The following EPSTI1 variants were observed in gnomAD, a reference collection of about 807,000 sequenced individuals.
EPSTI1 encodes epithelial stromal interaction 1.
EPSTI1 carries 66 observed loss-of-function variants against 49.9 expected under a neutral mutation model. The observed-to-expected ratio is 1.32, with a 90% confidence interval of 1.08 to 1.62. EPSTI1 has a LOEUF of 1.62. EPSTI1 is among the 40% of genes most tolerant of loss of function. The pLI is 0.00. For missense variants in EPSTI1, 394 were observed against 365.5 expected (o/e 1.08, Z -0.64); for synonymous variants, 137 against 130.7 (o/e 1.05, Z -0.33).
intron 10 of EPSTI1, among the ~76,000 whole-genome samples, chr13:42,888,786 C>T (rs923151871): frequency 3.9e-5 from 6 of 152,058 alleles, no homozygotes; most frequent in South Asian, 2.1e-4. Flanking sequence ...ATATACAGTT[C>T]GAAAATGTTG....
intron 6 of EPSTI1, among the ~76,000 whole-genome samples, chr13:42,932,230 G>T (rs1337984129): frequency 3.3e-5 from 5 of 152,114 alleles, no homozygotes; most frequent in Non-Finnish European, 7.3e-5. Flanking sequence ...ACTGTGCTCA[G>T]TCTATTCACG....
intron 8 of EPSTI1, among the ~76,000 whole-genome samples, chr13:42,901,417 C>T (rs2037348607): frequency 6.6e-6 from 1 of 152,166 alleles, no homozygotes; most frequent in Non-Finnish European, 1.5e-5. Context: ...ATACATTGCT[C>T]ATCAATCCCT....
intron 8 of EPSTI1, among the ~76,000 whole-genome samples, chr13:42,917,010 C>T (rs1482115443): frequency 2.0e-5 from 3 of 152,164 alleles, no homozygotes; most frequent in African/African-American, 4.8e-5. Context: ...TCTTAGAAGG[C>T]TCTGCATTCA....
chr13:42,989,567 C>CTTTTTTCTT (rs1555271092), intron 1 of EPSTI1, among the ~76,000 whole-genome samples: 8 of 79,024 alleles, frequency 1.0e-4, no homozygotes, highest in Admixed American at 1.6e-4. Flanking sequence ...CCTCTTTTTT[C>CTTTTTTCTT]TTTTTTTTTT....
At chr13:42,976,390 G>T (rs1260051831) in intron 1 of EPSTI1, among the ~76,000 whole-genome samples, 1 of 152,132 alleles carries the variant, frequency 6.6e-6, no homozygotes, top group Non-Finnish European at 1.5e-5. Flanking sequence ...CTAAGAAATA[G>T]GTTAAAGAGT....
intron 10 of EPSTI1, among the ~76,000 whole-genome samples, chr13:42,893,814 A>G (rs1459750321): frequency 6.6e-6 from 1 of 152,188 alleles, no homozygotes; most frequent in African/African-American, 2.4e-5. Context: ...GTGTTTCACA[A>G]CTAAGTTATA....
chr13:42,990,424 G>A (rs1384834123), intron 1 of EPSTI1, among the ~76,000 whole-genome samples: 1 of 152,146 alleles, frequency 6.6e-6, no homozygotes, highest in African/African-American at 2.4e-5. Context: ...GCGATGATAT[G>A]AGCTTAGAAA....
At chr13:42,933,312 T>TAAA (rs1178617129) in intron 6 of EPSTI1, among the ~76,000 whole-genome samples, 5 of 77,334 alleles carry the variant, frequency 6.5e-5, no homozygotes, top group Non-Finnish European at 1.3e-4. Context: ...ACATAAAAAG[T>TAAA]AAAAAAAAAA....
Position 42,888,357 on chromosome 13 carries a change from T to C in EPSTI1, c.*137A>G, listed in dbSNP as rs2036924081. Reference sequence around the variant, plus strand: ...AGGACAAGGAGAAGCCAGTCACTCCTGACTGCACGGTCAAGTGTGTGGGCA... The same window carrying C: ...AGGACAAGGAGAAGCCAGTCACTCCCGACTGCACGGTCAAGTGTGTGGGCA... On this transcript the variant is annotated 3_prime_UTR_variant, in exon 11 of 11. Coordinates refer to ENST00000313624, the MANE Select transcript of EPSTI1 (RefSeq NM_033255.5). 6.2e-7 allele frequency: 1 copy of C among 1,614,178 alleles called. No individual in the cohort carries two copies. Among genetic ancestry groups the C allele is most frequent in the Non-Finnish European group, 8.5e-7 (1 of 1,180,020 alleles).
chr13:42,932,479 CCA>C (rs1056474630), intron 6 of EPSTI1, among the ~76,000 whole-genome samples: 2 of 152,066 alleles, frequency 1.3e-5, no homozygotes, highest in Non-Finnish European at 2.9e-5. Context: ...ACTTAAGCCC[CCA>C]CACCTCCCTC....
At chr13:42,888,738 T>C (rs1191074270) in intron 10 of EPSTI1, among the ~76,000 whole-genome samples, 1 of 152,234 alleles carries the variant, frequency 6.6e-6, no homozygotes, top group East Asian at 1.9e-4. Flanking sequence ...GATGTCTTAT[T>C]GGCTGTGTTC....
At chr13:42,908,484 G>GAAAAAAAAAAAAAAAAAAAA (rs140923122) in intron 8 of EPSTI1, among the ~76,000 whole-genome samples, 1 of 113,352 alleles carries the variant, frequency 8.8e-6, no homozygotes. Context: ...ACTCTGTTAT[G>GAAAAAAAAAAAAAAAAAAAA]AAAAAAAAAA....
chr13:42,896,749 A>G (rs1262859607), intron 9 of EPSTI1, among the ~76,000 whole-genome samples: 1 of 152,154 alleles, frequency 6.6e-6, no homozygotes, highest in Non-Finnish European at 1.5e-5. Flanking sequence ...AGGTTGTGTT[A>G]TCTTGCTCCT....
intron 6 of EPSTI1, among the ~76,000 whole-genome samples, chr13:42,946,486 C>T (rs1230930116): frequency 6.6e-6 from 1 of 152,118 alleles, no homozygotes; most frequent in Non-Finnish European, 1.5e-5. Context: ...TCACAAAAGC[C>T]CACCTACCCT....
chr13:42,918,786 C>T (rs555755891), intron 7 of EPSTI1, among the ~76,000 whole-genome samples: 2 of 152,278 alleles, frequency 1.3e-5, no homozygotes, highest in African/African-American at 4.8e-5. Context: ...TATTTGCATC[C>T]TAAACTCAAG....
At chr13:42,983,563 C>CAAAAAAAAAA (rs56259281) in intron 1 of EPSTI1, among the ~76,000 whole-genome samples, 2,308 of 95,332 alleles carry the variant, frequency 0.024, 112 homozygotes, top group African/African-American at 0.035. Flanking sequence ...GACTCCATCT[C>CAAAAAAAAAA]AAAAAAAAAA....
intron 8 of EPSTI1, 91 bp from the exon 9 acceptor site, chr13:42,900,474 G>C: frequency 8.2e-7 from 1 of 1,216,596 alleles, no homozygotes; most frequent in South Asian, 1.3e-5. Context: ...AACCTCAACT[G>C]GTACAATATT....
At chr13:42,915,325 A>G (rs1339214781) in intron 8 of EPSTI1, among the ~76,000 whole-genome samples, 1 of 152,190 alleles carries the variant, frequency 6.6e-6, no homozygotes, top group African/African-American at 2.4e-5. Flanking sequence ...TGAGGTCAGG[A>G]GTTCGAGACC....
At chr13:42,947,311 A>AAG (rs1555264934) in intron 6 of EPSTI1, among the ~76,000 whole-genome samples, 350 of 151,970 alleles carry the variant, frequency 2.3e-3, no homozygotes, top group African/African-American at 7.6e-3. Context: ...TCAAAAAAAA[A>AAG]GTACTTAGTA....
Sources: gnomAD v4.1 joint callset for allele counts (sites outside exome capture counted in the v4.1 genomes callset) on GRCh38, gnomAD v4.1.1 for gene constraint, MANE v1.5 for transcripts, NCBI Gene and HGNC (gene_info 2026-07-23, HGNC 2026-07-21) for gene names.